CERS3: variants seen among roughly 807,000 people sequenced by gnomAD.
CERS3 encodes LAG1 homolog, ceramide synthase 3.
Under a neutral mutation model 50.3 loss-of-function variants are expected in CERS3, and 33 were observed. The observed-to-expected ratio is 0.66, with a 90% CI of 0.50 to 0.88. The LOEUF (loss-of-function observed/expected upper bound fraction) is 0.88, where lower values mean the gene tolerates loss of function less well. CERS3 is among the 40% of genes least tolerant of loss of function. CERS3 has a pLI of 0.00. For missense variants in CERS3, 470 were observed against 460.3 expected (o/e 1.02, Z -0.19); for synonymous variants, 176 against 155.2 (o/e 1.13, Z -0.99).
chr15:100,479,640 G>A (rs571594269), intron 6 of CERS3, 162 bp from the exon 7 acceptor site: 8 of 606,910 alleles, frequency 1.3e-5, no homozygotes, highest in African/African-American at 3.7e-5. Flanking sequence ...TCTATTGCAC[G>A]TATTTCTCCC....
intron 11 of CERS3, among the ~76,000 whole-genome samples, chr15:100,455,429 T>C (rs1275500051): frequency 1.3e-5 from 2 of 152,146 alleles, no homozygotes; most frequent in African/African-American, 2.4e-5. Context: ...AACAATACAC[T>C]GTATATTTCA....
At chr15:100,448,134 T>C (rs1026917908) in intron 11 of CERS3, among the ~76,000 whole-genome samples, 1 of 152,162 alleles carries the variant, frequency 6.6e-6, no homozygotes, top group Non-Finnish European at 1.5e-5. Context: ...ATTATCATCA[T>C]AAAGGTTGTC....
intron 11 of CERS3, among the ~76,000 whole-genome samples, chr15:100,417,595 T>C (rs2032044147): frequency 6.6e-6 from 1 of 151,990 alleles, no homozygotes; most frequent in Non-Finnish European, 1.5e-5. Context: ...CAAGGAGGCC[T>C]GCCTGCCTCT....
intron 11 of CERS3, among the ~76,000 whole-genome samples, chr15:100,428,100 A>G (rs1005555902): frequency 6.6e-5 from 10 of 152,308 alleles, no homozygotes; most frequent in Middle Eastern, 3.4e-3. Context: ...TCAGATTGGG[A>G]TTACAACTGA....
At chr15:100,489,025 T>A (rs1055279936) in intron 4 of CERS3, among the ~76,000 whole-genome samples, 1 of 152,232 alleles carries the variant, frequency 6.6e-6, no homozygotes, top group African/African-American at 2.4e-5. Context: ...TCCACCCACC[T>A]TGGGCTCCCA....
intron 6 of CERS3, 50 bp from the exon 7 acceptor site, chr15:100,479,528 G>T (rs375004079): frequency 1.4e-6 from 2 of 1,422,574 alleles, no homozygotes; most frequent in East Asian, 2.3e-5. Context: ...TAAATTGGTC[G>T]GTGTCAAAGG....
rs951518591 is a variant in CERS3 at position 100,431,169 on chromosome 15, G to A, written c.999+24724C>T. Among the ~76,000 whole-genome samples the A allele has an allele frequency of 2.0e-5, 3 of 152,220 alleles. No individual in the cohort carries two copies. The South Asian group carries it at 6.2e-4, about 32-fold the overall frequency. ...CTCTTTGTGAAAAGAAAAAGTTGCA[G>A]CAGAGGGTTGCCTAAGGGTCTTTCA... On this transcript the variant is annotated intron_variant, in intron 11 of 11. Transcript: ENST00000679737.
In CERS3 at chr15:100,466,816, CCT is replaced by C. The variant is rs1435384431; in HGVS notation, c.845+2560_845+2561del. 1.1e-3 allele frequency among the ~76,000 whole-genome samples: 15 copies of C among 13,264 alleles called. 3 individuals are homozygous for C. The highest frequency in any genetic ancestry group is 0.01 in the South Asian group (2 of 200). The allele number at this position is 13,264 out of a possible 152,430, so 8.7% of individuals were successfully genotyped here. On this transcript the variant is annotated intron_variant, in intron 10 of 11. Transcript: ENST00000679737. ...TCCTCCCTCCCTCCCTCCCTCCCTC[CCT>C]CTCTCCCTCTCTCCCTCTCTCCCTC...
chr15:100,472,880 C>T, intron 9 of CERS3, 44 bp downstream of exon 9: 1 of 1,612,468 alleles, frequency 6.2e-7, no homozygotes, highest in Non-Finnish European at 8.5e-7. Flanking sequence ...TACGGAAACC[C>T]AGGACATGGT....
chr15:100,449,577 A>G (rs1189520935), intron 11 of CERS3, among the ~76,000 whole-genome samples: 4 of 152,108 alleles, frequency 2.6e-5, no homozygotes, highest in Admixed American at 6.5e-5. Context: ...AAACCTCACC[A>G]CAGTCTCCAA....
Position 100,488,779 on chromosome 15 carries a change from A to T in CERS3, c.288+2038T>A, listed in dbSNP as rs1184612109. ...GCTAACACTTCGGGGGTGATATATA[A>T]CTGTTTTTTTTTTTTTTAGATGGAG... is the stretch of plus-strand genomic sequence containing the variant. On this transcript the variant is annotated intron_variant, in intron 4 of 11. Coordinates refer to ENST00000679737, the MANE Select transcript of CERS3 (RefSeq NM_001378789.1). Among the ~76,000 whole-genome samples the T allele has an allele frequency of 3.7e-5, 4 of 108,788 alleles. No individual in the cohort carries two copies. In the Admixed American group the frequency reaches 4.9e-4, roughly 13 times the overall value. 71.4% of individuals were successfully genotyped at this position (108,788 alleles called of 152,430 possible).
chr15:100,438,528 A>C (rs920962417), intron 11 of CERS3, among the ~76,000 whole-genome samples: 1 of 152,234 alleles, frequency 6.6e-6, no homozygotes, highest in African/African-American at 2.4e-5. Context: ...CAAATAAAGA[A>C]TAATTTAAAA....
At chr15:100,527,253 T>C (rs2036821207) in intron 1 of CERS3, among the ~76,000 whole-genome samples, 1 of 152,170 alleles carries the variant, frequency 6.6e-6, no homozygotes, top group Non-Finnish European at 1.5e-5. Flanking sequence ...GCCAAGATCA[T>C]GCCACTGCAC....
At chr15:100,537,394 T>C (rs1301584495) in intron 1 of CERS3, among the ~76,000 whole-genome samples, 1 of 152,206 alleles carries the variant, frequency 6.6e-6, no homozygotes, top group East Asian at 1.9e-4. Context: ...TGGCAGTGTA[T>C]TAGTCCATTT....
At chr15:100,532,483 C>T (rs753604868), upstream of CERS3, among the ~76,000 whole-genome samples, 51 of 152,256 alleles carry the variant, frequency 3.3e-4, no homozygotes, top group South Asian at 8.3e-4. Flanking sequence ...TGCTACCAAA[C>T]TGCCAGGTGC....
At chr15:100,465,115 G>A (rs532894580) in intron 10 of CERS3, among the ~76,000 whole-genome samples, 1 of 151,964 alleles carries the variant, frequency 6.6e-6, no homozygotes, top group African/African-American at 2.4e-5. Flanking sequence ...CTTTCGCCCC[G>A]CCCTACCGTG....
chr15:100,507,556 T>C (rs531947682), intron 2 of CERS3, among the ~76,000 whole-genome samples: 11 of 152,370 alleles, frequency 7.2e-5, no homozygotes, highest in Admixed American at 3.3e-4. Flanking sequence ...CTCTGGGATC[T>C]TTCAGAGTCA....
At chr15:100,456,974 T>C (rs2034394872) in intron 10 of CERS3, among the ~76,000 whole-genome samples, 2 of 151,422 alleles carry the variant, frequency 1.3e-5, no homozygotes, top group African/African-American at 4.8e-5. Flanking sequence ...ATTATTGCCA[T>C]ATGAAGGGCT....
intron 2 of CERS3, among the ~76,000 whole-genome samples, chr15:100,505,973 C>CA (rs1192575493): frequency 6.6e-6 from 1 of 152,218 alleles, no homozygotes; most frequent in Non-Finnish European, 1.5e-5. Flanking sequence ...AAAATGGGGC[C>CA]ACTGCACTCC....
Sources: allele counts gnomAD v4.1 joint callset (sites outside exome capture counted in the v4.1 genomes callset), GRCh38; gene constraint gnomAD v4.1.1; transcripts MANE v1.5; gene names NCBI Gene and HGNC (gene_info 2026-07-23, HGNC 2026-07-21).